C11orf65: variants seen among roughly 807,000 people sequenced by gnomAD.
C11orf65 encodes chromosome 11 open reading frame 65.
C11orf65 carries 38 observed loss-of-function variants against 35.3 expected under a neutral mutation model. That is an observed-to-expected ratio of 1.08 (90% confidence interval 0.83 to 1.41). The LOEUF (loss-of-function observed/expected upper bound fraction) is 1.41. C11orf65 is among the 40% of genes most tolerant of loss of function. The probability of loss-of-function intolerance (pLI) is 0.00; values close to 1 mark genes in which losing one functional copy is unlikely to be tolerated. For missense variants in C11orf65, 370 were observed against 367.1 expected, an observed-to-expected ratio of 1.01 and a Z score of -0.06; for synonymous variants, 105 against 114.4, an observed-to-expected ratio of 0.92 and a Z score of 0.53.
chr11:108,408,736 T>TAAAATAAA lies in C11orf65; in HGVS notation c.175-1588_175-1587insTTTATTTT, dbSNP rs1565660272. Among the ~76,000 whole-genome samples the TAAAATAAA allele has an allele frequency of 2.7e-4, 27 of 99,574 alleles. 1 individual carries two copies. The highest frequency in any genetic ancestry group is 3.9e-4 in the Admixed American group (4 of 10,226). The allele number at this position is 99,574 out of a possible 152,430, so 65.3% of individuals were successfully genotyped here. The stretch of plus-strand genomic sequence containing the variant: ...AATAAAATAAAATAAAATAAAATGA[T>TAAAATAAA]ATAAGAATTGTATATAATAGGTTTT... On this transcript the variant is annotated intron_variant, in intron 3 of 8. Coordinates refer to ENST00000393084, the MANE Select transcript of C11orf65 (RefSeq NM_152587.5).
chr11:108,403,409 G>GTTTTTTTTTTTTTTTTTTTTTTTTTT lies in C11orf65; in HGVS notation c.560+2019_560+2020insAAAAAAAAAAAAAAAAAAAAAAAAAA, dbSNP rs71047691. Among the ~76,000 whole-genome samples, 6 of 67,310 alleles carry GTTTTTTTTTTTTTTTTTTTTTTTTTT rather than the reference G, an allele frequency of 8.9e-5. 1 individual carries two copies. Among genetic ancestry groups the GTTTTTTTTTTTTTTTTTTTTTTTTTT allele is most frequent in the Non-Finnish European group, 1.4e-4 (5 of 36,210 alleles). The allele number at this position is 67,310 out of a possible 152,430, so 44.2% of individuals were successfully genotyped here. A position where few individuals can be genotyped will look rare whatever the true frequency, so the allele number is the denominator to read the frequency against. Reference sequence around the variant, plus strand: ...ACTTTAAAATGTGATTGTTTGAGAGGTTTTTTTTTTGTTTTTTTTTTTTTT... The same window carrying GTTTTTTTTTTTTTTTTTTTTTTTTTT: ...ACTTTAAAATGTGATTGTTTGAGAGGTTTTTTTTTTTTTTTTTTTTTTTTTTTTTTTTTTTTGTTTTTTTTTTTTTT... On this transcript the variant is annotated intron_variant, in intron 6 of 8. Coordinates refer to ENST00000393084, the MANE Select transcript of C11orf65 (RefSeq NM_152587.5).
chr11:108,310,217 A>C lies in C11orf65; in HGVS notation c.641-1146T>G, dbSNP rs2084028240. ...TCTGGCTGGATTTAAATTATCTAGA[A>C]GTTGCCAAGGTAGCTCAGTCTTGTG... On this transcript the variant is annotated intron_variant, in intron 6 of 6. Transcript: ENST00000525729. 6.2e-7 allele frequency: 1 copy of C among 1,613,710 alleles called. No individual in the cohort carries two copies. Among genetic ancestry groups the C allele is most frequent in the Non-Finnish European group, 8.5e-7 (1 of 1,179,782 alleles).
intron 2 of C11orf65, among the ~76,000 whole-genome samples, chr11:108,371,806 T>C (rs1015997965): frequency 1.3e-5 from 2 of 152,244 alleles, no homozygotes; most frequent in African/African-American, 4.8e-5. Flanking sequence ...GGAGCCACCA[T>C]ACTGTTTTTC....
intron 2 of C11orf65, among the ~76,000 whole-genome samples, chr11:108,448,349 C>A (rs2093296145): frequency 6.6e-6 from 1 of 152,118 alleles, no homozygotes; most frequent in Non-Finnish European, 1.5e-5. Context: ...AATTTTAGGC[C>A]AATATCCTTG....
chr11:108,362,639 G>T (rs1355880653), intron 2 of C11orf65, among the ~76,000 whole-genome samples: 2 of 149,436 alleles, frequency 1.3e-5, no homozygotes, highest in Non-Finnish European at 3.0e-5. Context: ...ATGAGTTCAT[G>T]TCCTTTGTAG....
upstream of C11orf65, among the ~76,000 whole-genome samples, chr11:108,467,735 G>C (rs1036113580): frequency 1.2e-4 from 19 of 152,200 alleles, no homozygotes; most frequent in African/African-American, 4.1e-4. Context: ...GATTGTCTAC[G>C]AAGTTGGGCT....
At chr11:108,408,400 C>A (rs919956946) in intron 3 of C11orf65, among the ~76,000 whole-genome samples, 1 of 151,886 alleles carries the variant, frequency 6.6e-6, no homozygotes, top group Non-Finnish European at 1.5e-5. Flanking sequence ...CTGGGCCGGG[C>A]GTGGTGGCTC....
intron 3 of C11orf65, chr11:108,332,997 A>G: frequency 2.8e-6 from 4 of 1,441,490 alleles, no homozygotes; most frequent in Non-Finnish European, 3.8e-6. Context: ...TCTGCTTAAA[A>G]TCACAAACGT....
chr11:108,326,082 A>T (rs2085649125), intron 6 of C11orf65: 1 of 1,614,148 alleles, frequency 6.2e-7, no homozygotes, highest in East Asian at 2.2e-5. Flanking sequence ...AATATTTCAA[A>T]TTAAACAGTA....
Position 108,453,256 on chromosome 11 carries a change from A to G in C11orf65, c.81+8223T>C, listed in dbSNP as rs2093373977. 2.0e-5 allele frequency among the ~76,000 whole-genome samples: 3 copies of G among 152,212 alleles called. No individual in the cohort carries two copies. The South Asian group carries it at 6.2e-4, about 32-fold the overall frequency. The stretch of plus-strand genomic sequence containing the variant: ...GCATCTTTAATCAATCAAAATAACT[A>G]AAAAGTTAATAGAGAAGAAAATAAT... On this transcript the variant is annotated intron_variant, in intron 2 of 8. Transcript: ENST00000393084.
chr11:108,362,049 T>C (rs1699864535), intron 2 of C11orf65, among the ~76,000 whole-genome samples: 1 of 133,348 alleles, frequency 7.5e-6, no homozygotes, highest in Non-Finnish European at 1.6e-5. Flanking sequence ...AACCTACTCA[T>C]CTGACAAAGG....
At chr11:108,339,859 C>CA (rs1189557408) in intron 2 of C11orf65, among the ~76,000 whole-genome samples, 1 of 152,038 alleles carries the variant, frequency 6.6e-6, no homozygotes, top group African/African-American at 2.4e-5. Context: ...ACAGCTAACT[C>CA]AAAGACAGCA....
chr11:108,463,924 A>ATTTT (rs10677306), intron 1 of C11orf65, among the ~76,000 whole-genome samples: 4 of 132,434 alleles, frequency 3.0e-5, no homozygotes, highest in Admixed American at 7.9e-5. Flanking sequence ...AGATTTGTTA[A>ATTTT]TTTTTTTTTT....
rs145474314 is a variant in C11orf65, at chr11:108,432,462, G to A, written c.82-624C>T. ...TACAGGATTCTGTAATGGTAACAAC[G>A]ACTAATATTTATTGAGTGTTCATCT... On this transcript the variant is annotated intron_variant, in intron 2 of 8. Transcript: ENST00000393084. Among the ~76,000 whole-genome samples the A allele has an allele frequency of 7.9e-4, 120 of 152,166 alleles. 1 individual carries two copies. The highest frequency in any genetic ancestry group is 2.6e-3 in the African/African-American group (107 of 41,506).
At chr11:108,370,392 T>C (rs117355750) in intron 2 of C11orf65, among the ~76,000 whole-genome samples, 1 of 152,030 alleles carries the variant, frequency 6.6e-6, no homozygotes, top group South Asian at 2.1e-4. Context: ...GGATTTTCTA[T>C]GTATATAATC....
chr11:108,450,846 G>C (rs919491928), intron 2 of C11orf65, among the ~76,000 whole-genome samples: 2 of 151,856 alleles, frequency 1.3e-5, no homozygotes, highest in Admixed American at 6.6e-5. Flanking sequence ...TGCAAGGCTG[G>C]TTCAACGTAC....
chr11:108,465,252 A>G (rs1565736755), intron 1 of C11orf65, among the ~76,000 whole-genome samples: 1 of 152,310 alleles, frequency 6.6e-6, no homozygotes, highest in South Asian at 2.1e-4. Context: ...GGCTTTCTGC[A>G]TACACCTGCT....
At chr11:108,381,120 T>C (rs980648831), downstream of C11orf65, among the ~76,000 whole-genome samples, 1 of 152,192 alleles carries the variant, frequency 6.6e-6, no homozygotes, top group Non-Finnish European at 1.5e-5. Flanking sequence ...GGATGTGATA[T>C]ATACATTGAA....
chr11:108,464,512 C>G (rs150227267), intron 1 of C11orf65, among the ~76,000 whole-genome samples: 1 of 152,126 alleles, frequency 6.6e-6, no homozygotes, highest in Non-Finnish European at 1.5e-5. Context: ...CAGGTGTGCA[C>G]CACCGTGCCC....
Sources: allele counts gnomAD v4.1 joint callset (sites outside exome capture counted in the v4.1 genomes callset), GRCh38; gene constraint gnomAD v4.1.1; transcripts MANE v1.5; gene names NCBI Gene and HGNC (gene_info 2026-07-23, HGNC 2026-07-21).